The following STAM variants were observed in gnomAD, a reference collection of about 807,000 sequenced individuals.
STAM encodes the protein signal transducing adaptor molecule, also known as signal transducing adapter molecule 1.
A neutral mutation model predicts 63.4 loss-of-function variants in STAM; 16 were observed. The ratio of observed to expected loss-of-function variants is 0.25; its 90% CI spans 0.17 to 0.38. The LOEUF is 0.38. Ranked by LOEUF, STAM falls within the 10% of genes least tolerant of loss-of-function variation. STAM has a pLI of 1.00. For synonymous variants in STAM, 238 were observed against 223.9 expected, an observed-to-expected ratio of 1.06 and a Z score of -0.56; for missense variants, 636 against 657.1, an observed-to-expected ratio of 0.97 and a Z score of 0.35.
intron 12 of STAM, 28 bp from the exon 13 acceptor site, chr10:17,708,748 G>C: frequency 6.4e-7 from 1 of 1,560,362 alleles, no homozygotes; most frequent in African/African-American, 1.4e-5. Context: ...TTTTAGAATT[G>C]AATATGATTT....
At chr10:17,710,890 C>T (rs1836524197) in intron 13 of STAM, among the ~76,000 whole-genome samples, 1 of 152,100 alleles carries the variant, frequency 6.6e-6, no homozygotes, top group South Asian at 2.1e-4. Flanking sequence ...ATTTAAATAT[C>T]TATATATAAA....
intron 10 of STAM, 151 bp from the exon 11 acceptor site, chr10:17,704,819 A>G (rs1288678590): frequency 1.5e-6 from 1 of 676,138 alleles, no homozygotes; most frequent in Non-Finnish European, 2.4e-6. Flanking sequence ...AAGAAAATCA[A>G]TTTTGGGTTC....
intron 1 of STAM, among the ~76,000 whole-genome samples, chr10:17,649,572 T>C (rs1269106120): frequency 2.0e-5 from 3 of 152,136 alleles, no homozygotes; most frequent in African/African-American, 4.8e-5. Context: ...CCTAATACTT[T>C]AGGGATAGTG....
At chr10:17,649,646 A>G (rs1178498336) in intron 1 of STAM, among the ~76,000 whole-genome samples, 1 of 152,218 alleles carries the variant, frequency 6.6e-6, no homozygotes, top group African/African-American at 2.4e-5. Context: ...GTTTTTCTAG[A>G]ACATTAGTCT....
chr10:17,708,513 TAA>T (rs1554829624), intron 12 of STAM, among the ~76,000 whole-genome samples: 6 of 152,326 alleles, frequency 3.9e-5, no homozygotes, highest in African/African-American at 1.4e-4. Context: ...GAGATTAGTA[TAA>T]AGTTTCAGGA....
chr10:17,661,612 G>C (rs781900482), intron 2 of STAM, among the ~76,000 whole-genome samples: 9 of 151,970 alleles, frequency 5.9e-5, no homozygotes, highest in Non-Finnish European at 1.2e-4. Flanking sequence ...GTCTCTTTTT[G>C]TTTTAAACCT....
At chr10:17,651,082 A>G (rs1196126386) in intron 1 of STAM, among the ~76,000 whole-genome samples, 2 of 151,516 alleles carry the variant, frequency 1.3e-5, no homozygotes, top group East Asian at 1.9e-4. Context: ...AAAAAAAAAA[A>G]AAAAAAAAAG....
chr10:17,651,937 G>A (rs1231121889), intron 1 of STAM, among the ~76,000 whole-genome samples: 1 of 152,166 alleles, frequency 6.6e-6, no homozygotes, highest in African/African-American at 2.4e-5. Context: ...AAAATCAAAA[G>A]TTGCTGCTTA....
In STAM at chr10:17,644,167, G is replaced by C. The variant is rs568317553; in HGVS notation, c.-173G>C. The C allele has an allele frequency of 5.4e-5, 36 of 672,858 alleles. No homozygotes were observed. Among genetic ancestry groups the C allele is most frequent in the Admixed American group, 3.3e-4 (13 of 39,586 alleles). 41.7% of individuals were successfully genotyped at this position (672,858 alleles called of 1,614,324 possible). Reference sequence around the variant, plus strand: ...TCCTCGGCTCCTTGCTGTTGCCGCCGCCGCAGCTGCTGCCGCGGTTGGTGG... The same window carrying C: ...TCCTCGGCTCCTTGCTGTTGCCGCCCCCGCAGCTGCTGCCGCGGTTGGTGG... On this transcript the variant is annotated 5_prime_UTR_variant, in exon 1 of 14. Coordinates refer to ENST00000377524, the MANE Select transcript of STAM (RefSeq NM_003473.4).
rs1477073685 is a variant in STAM at position 17,708,848 on chromosome 10, T to C, written c.1282T>C (p.Tyr428His). Residue 428 changes from tyrosine (Y) to histidine (H), a missense_variant, in exon 13 of 14, where the codon TAC (tyrosine) becomes CAC (histidine). This residue lies in a region of STAM where 532 missense variants were observed against 536.9 expected (regional missense o/e 0.99). Coordinates refer to ENST00000377524, the MANE Select transcript of STAM (RefSeq NM_003473.4). ...GNAQMSHLQS[Y>H]SLPPEQLSSL... ...CGCGCAGATGAGCCACCTCCAGAGC[T>C]ACAGTCTTCCCCCGGAGCAGCTGTC... The C allele has an allele frequency of 6.2e-7, 1 of 1,614,074 alleles. No homozygotes were observed. Among genetic ancestry groups the C allele is most frequent in the African/African-American group, 1.3e-5 (1 of 74,930 alleles).
intron 5 of STAM, 64 bp from the exon 6 acceptor site, chr10:17,693,158 G>A: frequency 2.8e-6 from 4 of 1,445,084 alleles, no homozygotes; most frequent in Non-Finnish European, 3.8e-6. Flanking sequence ...CAAATTCTTA[G>A]GGTGGGTGAG....
intron 13 of STAM, among the ~76,000 whole-genome samples, chr10:17,713,962 C>T (rs546285724): frequency 5.9e-5 from 9 of 152,120 alleles, no homozygotes; most frequent in Non-Finnish European, 1.2e-4. Flanking sequence ...CCCTCGGCAC[C>T]CCCTGCGGCC....
chr10:17,705,061 C>T (rs373949067), intron 11 of STAM, 37 bp downstream of exon 11: 218 of 1,583,004 alleles, frequency 1.4e-4, no homozygotes, highest in Non-Finnish European at 1.8e-4. Context: ...TGTGTACCTT[C>T]TTTCCTGAAG....
At chr10:17,645,342 G>C (rs1400411171) in intron 1 of STAM, among the ~76,000 whole-genome samples, 1 of 152,054 alleles carries the variant, frequency 6.6e-6, no homozygotes, top group Admixed American at 6.5e-5. Flanking sequence ...TTGTCTTTGT[G>C]TATTTTAATT....
At chr10:17,657,593 T>G (rs11592438) in intron 1 of STAM, among the ~76,000 whole-genome samples, 16,727 of 152,232 alleles carry the variant, frequency 0.11, 981 homozygotes, top group Middle Eastern at 0.16. Context: ...CATCTGGGCC[T>G]GTGCTTTCTG....
intron 1 of STAM, among the ~76,000 whole-genome samples, chr10:17,654,276 G>A (rs1833853021): frequency 6.6e-6 from 1 of 152,040 alleles, no homozygotes; most frequent in South Asian, 2.1e-4. Flanking sequence ...AGGCTGGAGT[G>A]CAGTGGCATG....
chr10:17,648,267 T>C (rs368151211), intron 1 of STAM, among the ~76,000 whole-genome samples: 1 of 152,196 alleles, frequency 6.6e-6, no homozygotes, highest in East Asian at 1.9e-4. Flanking sequence ...AACGCACCAA[T>C]CAGTGCTCTG....
Position 17,705,688 on chromosome 10 carries a change from A to G in STAM, c.1156A>G (p.Lys386Glu), listed in dbSNP as rs970594067. Residue 386 changes from lysine (K) to glutamate (E), a missense_variant, in exon 12 of 14, where the codon AAG (lysine) becomes GAG (glutamate). Around this residue, in one of 3 missense-constraint regions of STAM, gnomAD observed 532 missense variants for 536.9 expected, o/e 0.99. Coordinates refer to ENST00000377524, the MANE Select transcript of STAM (RefSeq NM_003473.4). ...NEDPMYSMYAKLQNQPYYMQS... is the reference protein window; with the variant it reads ...NEDPMYSMYAELQNQPYYMQS... ...AGATCCGATGTATTCCATGTATGCA[A>G]AGTTACAGAATCAGCCATATTATAT... 7 of 1,614,018 alleles carry G rather than the reference A, an allele frequency of 4.3e-6. No individual in the cohort carries two copies. Among genetic ancestry groups the G allele is most frequent in the East Asian group, 4.5e-5 (2 of 44,878 alleles).
intron 12 of STAM, among the ~76,000 whole-genome samples, chr10:17,707,364 C>T (rs1305969086): frequency 2.6e-5 from 4 of 152,068 alleles, no homozygotes; most frequent in Admixed American, 6.5e-5. Flanking sequence ...GAGCCGAGAT[C>T]GTGCCATTGC....
Sources: gnomAD v4.1 joint callset for allele counts (sites outside exome capture counted in the v4.1 genomes callset) on GRCh38, gnomAD v4.1.1 for gene constraint, gnomAD v4.1.1 regional missense constraint, MANE v1.5 for transcripts, NCBI Gene and HGNC (gene_info 2026-07-23, HGNC 2026-07-21) for gene names.